The following NCBP3 variants were observed in gnomAD, a reference collection of about 807,000 sequenced individuals.
The protein encoded by NCBP3 is nuclear cap-binding protein subunit 3.
Under a neutral mutation model 75.7 loss-of-function variants are expected in NCBP3, and 20 were observed. That is an observed-to-expected ratio of 0.26 (90% confidence interval 0.19 to 0.38). The LOEUF is 0.38. NCBP3 is among the 10% of genes least tolerant of loss of function. The probability of loss-of-function intolerance (pLI) is 1.00; values close to 1 mark genes in which losing one functional copy is unlikely to be tolerated. For missense variants in NCBP3, 678 were observed against 796.9 expected (o/e 0.85, Z 1.80); for synonymous variants, 293 against 290.5 (o/e 1.01, Z -0.09).
chr17:3,812,488 A>T lies in NCBP3; in HGVS notation c.*556T>A. ...AAGCACAGTCAATGCTGCAGCTCTT[A>T]TCTACCTGGGCGGCACTGGTGCACC... On this transcript the variant is annotated 3_prime_UTR_variant, in exon 13 of 13. Coordinates refer to ENST00000389005, the MANE Select transcript of NCBP3 (RefSeq NM_001114118.3). 1.0e-6 allele frequency: 1 copy of T among 989,720 alleles called. No individual in the cohort carries two copies. Among genetic ancestry groups the T allele is most frequent in the Non-Finnish European group, 1.2e-6 (1 of 832,316 alleles). The allele number at this position is 989,720 out of a possible 1,614,324, so 61.3% of individuals were successfully genotyped here. A position where few individuals can be genotyped will look rare whatever the true frequency, so the allele number is the denominator to read the frequency against.
At chr17:3,843,242 C>A in intron 1 of NCBP3, 91 bp from the exon 2 acceptor site, 1 of 904,586 alleles carries the variant, frequency 1.1e-6, no homozygotes, top group Non-Finnish European at 1.6e-6. Flanking sequence ...GTTCTTTTTT[C>A]CTTTTTTTTT....
At chr17:3,821,443 G>C (rs936752054) in intron 8 of NCBP3, 91 bp from the exon 9 acceptor site, 1 of 996,354 alleles carries the variant, frequency 1.0e-6, no homozygotes, top group African/African-American at 1.6e-5. Flanking sequence ...TTTTTTTTGT[G>C]ATGGAGTCTC....
chr17:3,803,797 C>G lies in NCBP3; in HGVS notation c.*9247G>C, dbSNP rs1224020568. 6.6e-6 allele frequency: 1 copy of G among 152,176 alleles called. No individual in the cohort carries two copies. Among genetic ancestry groups the G allele is most frequent in the Non-Finnish European group, 1.5e-5 (1 of 68,060 alleles). 9.4% of individuals were successfully genotyped at this position (152,176 alleles called of 1,614,324 possible). A position where few individuals can be genotyped will look rare whatever the true frequency, so the allele number is the denominator to read the frequency against. ...GTTTTTAAAAAATGGGCAGGTGGGC[C>G]AGGCGCGGTGGCTCACGCCTGTAAT... On this transcript the variant is annotated 3_prime_UTR_variant, in exon 13 of 13. Transcript: ENST00000389005.
chr17:3,843,257 TTTG>T (rs2054098810), intron 1 of NCBP3, 106 bp from the exon 2 acceptor site: 3 of 897,288 alleles, frequency 3.3e-6, no homozygotes, highest in African/African-American at 3.4e-5. Flanking sequence ...TTTTTTTTTT[TTTG>T]TTGGTGACAG....
Position 3,818,057 on chromosome 17 carries a change from G to A in NCBP3, c.1310+206C>T, listed in dbSNP as rs1013520992. Among the ~76,000 whole-genome samples the A allele has an allele frequency of 1.3e-5, 2 of 152,088 alleles. No individual in the cohort carries two copies. The highest frequency in any genetic ancestry group is 4.8e-5 in the African/African-American group (2 of 41,392). On this transcript the variant is annotated intron_variant, in intron 10 of 12. Transcript: ENST00000389005. The surrounding 1 kb of genome is among the most constrained non-coding windows in gnomAD (Gnocchi z 4.7). ...ATTGTTGAGAAAGAATGGGAATACA[G>A]ATGATTTTCACTTTCTATGTTGTCT...
At chr17:3,827,045 G>T in intron 4 of NCBP3, among the ~76,000 whole-genome samples, 1 of 138,238 alleles carries the variant, frequency 7.2e-6, no homozygotes, top group Non-Finnish European at 1.6e-5. Flanking sequence ...GAATGGAACG[G>T]AACGGAAAGG....
intron 3 of NCBP3, among the ~76,000 whole-genome samples, chr17:3,832,620 G>A (rs1168948251): frequency 1.3e-5 from 2 of 149,802 alleles, no homozygotes; most frequent in African/African-American, 4.9e-5. Context: ...GACAGAGCGA[G>A]AGGCCATCTC....
At chr17:3,843,665 G>C (rs1053345394) in intron 1 of NCBP3, among the ~76,000 whole-genome samples, 10 of 152,320 alleles carry the variant, frequency 6.6e-5, no homozygotes, top group Non-Finnish European at 1.2e-4. Context: ...TCCTGTCTCA[G>C]CCTCCTGAGT....
chr17:3,843,006 T>C, intron 2 of NCBP3, 80 bp downstream of exon 2: 3 of 1,136,110 alleles, frequency 2.6e-6, no homozygotes, highest in Non-Finnish European at 3.8e-6. Flanking sequence ...GAGGAAATAT[T>C]TACTGTTATG....
At chr17:3,813,879 G>A (rs994780799) in intron 12 of NCBP3, among the ~76,000 whole-genome samples, 15 of 152,036 alleles carry the variant, frequency 9.9e-5, no homozygotes, top group African/African-American at 3.4e-4. Context: ...GGTTAGGCTG[G>A]TCTCGAACTC....
intron 4 of NCBP3, among the ~76,000 whole-genome samples, chr17:3,828,064 G>C (rs1031472740): frequency 6.6e-6 from 1 of 152,148 alleles, no homozygotes; most frequent in African/African-American, 2.4e-5. Context: ...GATTACAGGT[G>C]TGCATCGCCA....
Position 3,810,112 on chromosome 17 carries a change from C to T in NCBP3, c.*2932G>A, listed in dbSNP as rs2053386620. 1 of 152,194 alleles carries T rather than the reference C, an allele frequency of 6.6e-6. No individual in the cohort carries two copies. The highest frequency in any genetic ancestry group is 1.5e-5 in the Non-Finnish European group (1 of 68,044). The allele number at this position is 152,194 out of a possible 1,614,324, so 9.4% of individuals were successfully genotyped here. ...TGCATAACTGTAAATATACTAAAAG[C>T]CACTCAAGTGTACACTTTAAATGGC... is the stretch of plus-strand genomic sequence containing the variant. On this transcript the variant is annotated 3_prime_UTR_variant, in exon 13 of 13. Transcript: ENST00000389005.
intron 1 of NCBP3, 75 bp downstream of exon 1, chr17:3,845,966 C>CGCCCCTTCCG: frequency 8.2e-6 from 12 of 1,464,660 alleles, no homozygotes; most frequent in East Asian, 2.8e-5. Context: ...CTCCGGCCAC[C>CGCCCCTTCCG]GCCCCTTCCG....
At chr17:3,820,231 T>G (rs901575239) in intron 9 of NCBP3, among the ~76,000 whole-genome samples, 2 of 152,216 alleles carry the variant, frequency 1.3e-5, no homozygotes, top group African/African-American at 4.8e-5. Context: ...ATTATAGGTG[T>G]GAGCCACTGT....
intron 2 of NCBP3, among the ~76,000 whole-genome samples, chr17:3,841,919 T>C (rs2054071705): frequency 6.6e-6 from 1 of 152,004 alleles, no homozygotes; most frequent in South Asian, 2.1e-4. Flanking sequence ...CAATATATAC[T>C]ATTATTCAGA....
intron 11 of NCBP3, among the ~76,000 whole-genome samples, chr17:3,815,441 C>T (rs997634569): frequency 7.2e-5 from 11 of 152,200 alleles, no homozygotes; most frequent in East Asian, 3.8e-4. Flanking sequence ...ATAGCAGGTA[C>T]GGCTAAAGAC....
chr17:3,829,026 C>G (rs2053833279), intron 4 of NCBP3, among the ~76,000 whole-genome samples: 1 of 152,156 alleles, frequency 6.6e-6, no homozygotes, highest in African/African-American at 2.4e-5. Context: ...CTGGCCACCA[C>G]CTCTCAGCTG....
chr17:3,829,122 A>C (rs924472065), intron 4 of NCBP3, 121 bp downstream of exon 4: 1 of 1,134,018 alleles, frequency 8.8e-7, no homozygotes, highest in African/African-American at 1.6e-5. Flanking sequence ...CTCCTGGACT[A>C]ACAGCAGAAG....
At chr17:3,845,202 AATCAT>A (rs2054139840) in intron 1 of NCBP3, among the ~76,000 whole-genome samples, 3 of 152,174 alleles carry the variant, frequency 2.0e-5, no homozygotes, top group Non-Finnish European at 2.9e-5. Context: ...AGCTGTTGTT[AATCAT>A]AATTATAACG....
Sources: gnomAD v4.1 joint callset for allele counts (sites outside exome capture counted in the v4.1 genomes callset) on GRCh38, gnomAD v4.1.1 for gene constraint, Gnocchi (gnomAD v3.1) non-coding constraint, MANE v1.5 for transcripts, NCBI Gene and HGNC (gene_info 2026-07-23, HGNC 2026-07-21) for gene names.